SLIT3: variants seen among roughly 807,000 people sequenced by gnomAD.
SLIT3 encodes slit guidance ligand 3.
In SLIT3, 68 loss-of-function variants were observed where a neutral mutation model predicts 184.0. The ratio of observed to expected loss-of-function variants is 0.37; its 90% confidence interval spans 0.30 to 0.45. SLIT3 has a LOEUF of 0.45. Ranked by LOEUF, SLIT3 falls within the 20% of genes least tolerant of loss-of-function variation. The probability of loss-of-function intolerance (pLI) is 1.00; values close to 1 mark genes in which losing one functional copy is unlikely to be tolerated. For synonymous variants in SLIT3, 831 were observed against 828.6 expected (o/e 1.00, Z -0.05); for missense variants, 1,707 against 2,026.0 (o/e 0.84, Z 3.02).
chr5:168,715,986 TCAGA>T (rs1162661670), intron 23 of SLIT3, among the ~76,000 whole-genome samples: 2 of 151,898 alleles, frequency 1.3e-5, no homozygotes, highest in Admixed American at 6.6e-5. Context: ...TATTTCTTTT[TCAGA>T]CAGAGTCTCA....
intron 3 of SLIT3, among the ~76,000 whole-genome samples, chr5:169,242,902 T>C (rs1311579767): frequency 6.6e-6 from 1 of 151,932 alleles, no homozygotes. Context: ...TGGAGTTAAA[T>C]GTTTATGCGA....
chr5:169,115,528 C>T (rs994511624), intron 4 of SLIT3, among the ~76,000 whole-genome samples: 2 of 152,108 alleles, frequency 1.3e-5, no homozygotes, highest in Non-Finnish European at 1.5e-5. Flanking sequence ...GACACAGGCA[C>T]ATGTATGGAA....
At chr5:169,201,406 T>G (rs1394701401) in intron 3 of SLIT3, among the ~76,000 whole-genome samples, 1 of 152,200 alleles carries the variant, frequency 6.6e-6, no homozygotes, top group African/African-American at 2.4e-5. Context: ...TAGCAAAACA[T>G]GTACCTCATG....
rs140950046 is a variant in SLIT3 at position 168,675,727 on chromosome 5, C to T, written c.3687-2396G>A. 2.3e-4 allele frequency among the ~76,000 whole-genome samples: 35 copies of T among 152,224 alleles called. No individual in the cohort carries two copies. The East Asian group carries it at 5.6e-3, about 24-fold the overall frequency. On this transcript the variant is annotated intron_variant, in intron 32 of 35. Transcript: ENST00000519560. ...TTAAAAAACAACAACAACAAAAGAG[C>T]GCTTTGTCAATTACTGGGAAAATGT...
At chr5:169,151,749 C>T (rs542185887) in intron 4 of SLIT3, among the ~76,000 whole-genome samples, 26 of 152,324 alleles carry the variant, frequency 1.7e-4, no homozygotes, top group Non-Finnish European at 3.2e-4. Flanking sequence ...CTCTGAAAGG[C>T]CTGCCTTCCT....
chr5:168,796,954 G>A lies in SLIT3; in HGVS notation c.936-1376C>T, dbSNP rs138856617. On this transcript the variant is annotated intron_variant, in intron 9 of 35. Coordinates refer to ENST00000519560, the MANE Select transcript of SLIT3 (RefSeq NM_003062.4). ...GAGAAAGGGGAAAGGCGGGTGAGAGGAGAGAGGGAGTATCAGGACATATCA... is the reference window on the plus strand; with the variant it reads ...GAGAAAGGGGAAAGGCGGGTGAGAGAAGAGAGGGAGTATCAGGACATATCA... Among the ~76,000 whole-genome samples, 158 of 152,166 alleles carry A rather than the reference G, an allele frequency of 1.0e-3. 2 individuals carry two copies. The East Asian group carries it at 0.023, about 22-fold the overall frequency.
chr5:168,885,705 G>A (rs1007936320), intron 4 of SLIT3, among the ~76,000 whole-genome samples: 1 of 152,204 alleles, frequency 6.6e-6, no homozygotes, highest in Non-Finnish European at 1.5e-5. Flanking sequence ...AAAATCAGAG[G>A]CAGGGGGAGC....
At chr5:169,179,999 CAAAT>C (rs1763106577) in intron 4 of SLIT3, among the ~76,000 whole-genome samples, 1 of 152,134 alleles carries the variant, frequency 6.6e-6, no homozygotes, top group Middle Eastern at 3.4e-3. Context: ...AACAAGTAAA[CAAAT>C]AAATGAGCAA....
chr5:168,773,262 A>C (rs1227920391), intron 13 of SLIT3, among the ~76,000 whole-genome samples: 3 of 152,294 alleles, frequency 2.0e-5, no homozygotes, highest in Non-Finnish European at 2.9e-5. Flanking sequence ...AGACAAACCC[A>C]GTCATGGTTT....
intron 4 of SLIT3, among the ~76,000 whole-genome samples, chr5:169,075,954 A>G (rs1048720765): frequency 6.6e-6 from 1 of 152,188 alleles, no homozygotes; most frequent in Non-Finnish European, 1.5e-5. Flanking sequence ...CAGAATCTAC[A>G]TCTTGGGGAG....
chr5:169,044,133 C>T (rs1757540902), intron 4 of SLIT3, among the ~76,000 whole-genome samples: 1 of 152,142 alleles, frequency 6.6e-6, no homozygotes. Context: ...ATGAAAAGGA[C>T]AATAACAAGT....
chr5:169,144,306 C>T lies in SLIT3; in HGVS notation c.413+49173G>A, dbSNP rs533268702. On this transcript the variant is annotated intron_variant, in intron 4 of 35. Coordinates refer to ENST00000519560, the MANE Select transcript of SLIT3 (RefSeq NM_003062.4). The stretch of plus-strand genomic sequence containing the variant: ...CCTTGCTGAGTTCCACTCCCGATCT[C>T]GGCCCCCAAGTCCCTTTGTCGGGGC... Among the ~76,000 whole-genome samples the T allele has an allele frequency of 3.9e-5, 6 of 152,330 alleles. No individual in the cohort carries two copies. The South Asian group carries it at 8.3e-4, about 21-fold the overall frequency.
intron 3 of SLIT3, among the ~76,000 whole-genome samples, chr5:169,204,069 G>A (rs1354559906): frequency 1.3e-5 from 2 of 152,118 alleles, no homozygotes; most frequent in South Asian, 2.1e-4. Context: ...CAAGAGGAGT[G>A]TGGACTGAGT....
chr5:169,098,112 G>A (rs1759857103), intron 4 of SLIT3, among the ~76,000 whole-genome samples: 1 of 151,866 alleles, frequency 6.6e-6, no homozygotes, highest in East Asian at 1.9e-4. Flanking sequence ...GGGTATCCCT[G>A]GGCCCCGGCT....
At chr5:168,708,696 C>T (rs917900166) in intron 25 of SLIT3, 17 of 155,776 alleles carry the variant, frequency 1.1e-4, no homozygotes, top group Middle Eastern at 3.3e-3. Context: ...GCTTTAGCTG[C>T]GAGCACTGGA....
chr5:168,988,025 T>G (rs1033191471), intron 4 of SLIT3, among the ~76,000 whole-genome samples: 1 of 152,174 alleles, frequency 6.6e-6, no homozygotes, highest in African/African-American at 2.4e-5. Flanking sequence ...GTCTCCCCCT[T>G]TCTTTCAGCC....
At chr5:169,152,104 G>A (rs1219039531) in intron 4 of SLIT3, among the ~76,000 whole-genome samples, 1 of 152,140 alleles carries the variant, frequency 6.6e-6, no homozygotes, top group Non-Finnish European at 1.5e-5. Context: ...CCTTGACCAG[G>A]CAACACTGGA....
chr5:168,998,431 C>T (rs931349260), intron 4 of SLIT3, among the ~76,000 whole-genome samples: 26 of 152,232 alleles, frequency 1.7e-4, no homozygotes, highest in Admixed American at 1.1e-3. Context: ...ATGGGCCAGG[C>T]GCGGTGGCTC....
chr5:168,769,777 A>G (rs768441344), intron 14 of SLIT3, among the ~76,000 whole-genome samples: 60 of 152,188 alleles, frequency 3.9e-4, no homozygotes, highest in Non-Finnish European at 7.2e-4. Flanking sequence ...AAAGAAATGG[A>G]GGGATTTGTA....
Sources: gnomAD v4.1 joint callset for allele counts (sites outside exome capture counted in the v4.1 genomes callset) on GRCh38, gnomAD v4.1.1 for gene constraint, MANE v1.5 for transcripts, NCBI Gene and HGNC (gene_info 2026-07-23, HGNC 2026-07-21) for gene names.